The following ABI3BP variants were observed in gnomAD, a reference collection of about 807,000 sequenced individuals.
ABI3BP encodes ABI family member 3 binding protein.
In ABI3BP, 216 loss-of-function variants were observed where a neutral mutation model predicts 268.6. That is an observed-to-expected ratio of 0.80 (90% CI 0.72 to 0.90). ABI3BP has a LOEUF of 0.90. ABI3BP is among the 40% of genes least tolerant of loss of function. ABI3BP has a pLI of 0.00. For synonymous variants in ABI3BP, 730 were observed against 730.0 expected (o/e 1.00, Z 0.00); for missense variants, 2,090 against 2,182.4 (o/e 0.96, Z 0.84).
At chr3:100,882,944 G>A (rs2040128459) in intron 6 of ABI3BP, among the ~76,000 whole-genome samples, 1 of 152,156 alleles carries the variant, frequency 6.6e-6, no homozygotes, top group South Asian at 2.1e-4. Context: ...TTTTCTAGAA[G>A]AGGATGAAAG....
chr3:100,760,654 T>C (rs1483400870), intron 63 of ABI3BP, among the ~76,000 whole-genome samples: 1 of 152,184 alleles, frequency 6.6e-6, no homozygotes. Context: ...AAGAGAACGA[T>C]AATCCACACT....
chr3:100,789,097 G>A (rs1047267480), intron 56 of ABI3BP, among the ~76,000 whole-genome samples: 6 of 152,040 alleles, frequency 3.9e-5, no homozygotes, highest in Non-Finnish European at 2.9e-5. Context: ...GCTGAAAAGA[G>A]ACCCTCTTTT....
At chr3:100,789,352 A>C in intron 56 of ABI3BP, 102 bp downstream of exon 56, 3 of 1,036,808 alleles carry the variant, frequency 2.9e-6, no homozygotes, top group Non-Finnish European at 4.3e-6. Context: ...TACATCTCTT[A>C]TTGCAATGTA....
At chr3:100,795,697 T>C in intron 53 of ABI3BP, 107 bp downstream of exon 53, 1 of 860,610 alleles carries the variant, frequency 1.2e-6, no homozygotes. Flanking sequence ...AATGAAATGA[T>C]GAATGGATTG....
chr3:100,825,783 A>G lies in ABI3BP; in HGVS notation c.2662+2T>C. On this transcript the variant is annotated splice_donor_variant, in intron 35 of 67. Coordinates refer to ENST00000471714, the MANE Select transcript of ABI3BP (RefSeq NM_001375547.2). LOFTEE classifies it high-confidence loss of function. The stretch of plus-strand genomic sequence containing the variant: ...ACAGCCAGGTAATTGTAGGGTCGTT[A>G]CCTAAGGTTGTTGCAGGGATCTCAG... The G allele has an allele frequency of 6.5e-7, 1 of 1,534,792 alleles. No individual in the cohort carries two copies. The highest frequency in any genetic ancestry group is 8.7e-7 in the Non-Finnish European group (1 of 1,145,718).
chr3:100,898,049 C>CA (rs2048523000), intron 4 of ABI3BP, among the ~76,000 whole-genome samples: 1 of 152,184 alleles, frequency 6.6e-6, no homozygotes, highest in Non-Finnish European at 1.5e-5. Flanking sequence ...CATCTAAATA[C>CA]ATGCATCAAA....
At chr3:100,790,846 A>C (rs1198409004) in intron 55 of ABI3BP, among the ~76,000 whole-genome samples, 1 of 151,926 alleles carries the variant, frequency 6.6e-6, no homozygotes, top group Non-Finnish European at 1.5e-5. Flanking sequence ...CTCATTCTAG[A>C]ATATGTATAA....
intron 14 of ABI3BP, among the ~76,000 whole-genome samples, chr3:100,860,608 C>T (rs966760772): frequency 6.6e-6 from 1 of 152,152 alleles, no homozygotes; most frequent in African/African-American, 2.4e-5. Context: ...ATATTCTCCC[C>T]ACTCCCCAAT....
chr3:100,900,560 G>A (rs1268729904), intron 3 of ABI3BP, among the ~76,000 whole-genome samples: 1 of 152,120 alleles, frequency 6.6e-6, no homozygotes, highest in Non-Finnish European at 1.5e-5. Context: ...TATTTTTCAT[G>A]TAAGGAACCT....
At chr3:100,922,470 G>T (rs1328947788) in intron 2 of ABI3BP, among the ~76,000 whole-genome samples, 2 of 152,044 alleles carry the variant, frequency 1.3e-5, no homozygotes, top group African/African-American at 4.8e-5. Flanking sequence ...CAATCACAAG[G>T]GCCCTTAAAA....
Position 100,900,230 on chromosome 3 carries a change from ATG to A in ABI3BP, c.329-1338_329-1337del, listed in dbSNP as rs201547652. Among the ~76,000 whole-genome samples the A allele has an allele frequency of 8.9e-3, 1,352 of 152,354 alleles. 15 individuals are homozygous for A. The highest frequency in any genetic ancestry group is 0.029 in the African/African-American group (1,201 of 41,586). ...TTATATGATGGTGATTTAAATTGTC[ATG>A]TATGAGCTCCAATGAGGGCAGATTA... On this transcript the variant is annotated intron_variant, in intron 3 of 67. Coordinates refer to ENST00000471714, the MANE Select transcript of ABI3BP (RefSeq NM_001375547.2).
chr3:100,781,059 C>A (rs1488799106), intron 57 of ABI3BP, among the ~76,000 whole-genome samples: 1 of 152,180 alleles, frequency 6.6e-6, no homozygotes, highest in Non-Finnish European at 1.5e-5. Context: ...GAAATAATGA[C>A]CTGTCCTAAA....
At chr3:100,886,582 A>C (rs929221149) in intron 4 of ABI3BP, among the ~76,000 whole-genome samples, 2 of 152,010 alleles carry the variant, frequency 1.3e-5, no homozygotes, top group Non-Finnish European at 2.9e-5. Flanking sequence ...TTCTCGTTCT[A>C]TTATTTGCTG....
At chr3:100,935,703 A>T (rs1239869091) in intron 1 of ABI3BP, among the ~76,000 whole-genome samples, 1 of 152,000 alleles carries the variant, frequency 6.6e-6, no homozygotes, top group African/African-American at 2.4e-5. Flanking sequence ...CATCCCTTGT[A>T]AGTTGGATTC....
At chr3:100,882,310 A>G (rs1374077734) in intron 6 of ABI3BP, among the ~76,000 whole-genome samples, 1 of 152,042 alleles carries the variant, frequency 6.6e-6, no homozygotes, top group Non-Finnish European at 1.5e-5. Flanking sequence ...ATATACCTCC[A>G]AAGTATCAAA....
At chr3:100,815,840 G>A (rs977582080) in intron 44 of ABI3BP, 72 bp downstream of exon 44, 1 of 1,107,404 alleles carries the variant, frequency 9.0e-7, no homozygotes, top group South Asian at 1.5e-5. Flanking sequence ...AGCAACTCTG[G>A]TCATGACAGT....
intron 3 of ABI3BP, among the ~76,000 whole-genome samples, chr3:100,900,272 G>T (rs1053518591): frequency 6.6e-6 from 1 of 152,222 alleles, no homozygotes; most frequent in Admixed American, 6.5e-5. Context: ...CTGCAGTGAA[G>T]GCAGGGAACA....
chr3:100,886,256 T>C lies in ABI3BP; in HGVS notation c.529A>G (p.Thr177Ala). The C allele has an allele frequency of 6.2e-7, 1 of 1,610,914 alleles. No homozygotes were observed. The highest frequency in any genetic ancestry group is 8.5e-7 in the Non-Finnish European group (1 of 1,178,218). Residue 177 changes from threonine (T) to alanine (A), a missense_variant, in exon 5 of 68, where the codon ACT becomes GCT. By Grantham distance (58) the Thr-to-Ala change is moderately conservative. Coordinates refer to ENST00000471714, the MANE Select transcript of ABI3BP (RefSeq NM_001375547.2). ...KKWIFQICPA[T>A]ETIVENLKPN... Reference sequence around the variant, plus strand: ...TTTAGGTTTTCCACAATTGTTTCAGTGGCTGGACAGATTTGAAAAATCCAC... The same window carrying C: ...TTTAGGTTTTCCACAATTGTTTCAGCGGCTGGACAGATTTGAAAAATCCAC...
chr3:100,985,075 T>A (rs1704263063), intron 1 of ABI3BP, among the ~76,000 whole-genome samples: 1 of 151,982 alleles, frequency 6.6e-6, no homozygotes, highest in South Asian at 2.1e-4. Flanking sequence ...TACACACAAG[T>A]TTAATTAGAC....
Sources: gnomAD v4.1 joint callset for allele counts (sites outside exome capture counted in the v4.1 genomes callset) on GRCh38, gnomAD v4.1.1 for gene constraint, MANE v1.5 for transcripts, NCBI Gene and HGNC (gene_info 2026-07-23, HGNC 2026-07-21) for gene names.